JMJD1C: variants seen among roughly 807,000 people sequenced by gnomAD.
JMJD1C encodes jumonji domain-containing protein 1C.
In JMJD1C, 31 loss-of-function variants were observed where a neutral mutation model predicts 245.3. That is an observed-to-expected ratio of 0.13 (90% CI 0.09 to 0.17). The LOEUF is 0.17. Among genes scored for constraint, JMJD1C ranks in the 10% least tolerant of loss-of-function variants. JMJD1C has a pLI of 1.00. For missense variants in JMJD1C, 2,691 were observed against 3,000.2 expected (o/e 0.90, Z 2.41); for synonymous variants, 1,057 against 1,017.4 (o/e 1.04, Z -0.74).
intron 2 of JMJD1C, among the ~76,000 whole-genome samples, chr10:63,285,809 GAAAC>G (rs965764208): frequency 3.3e-5 from 5 of 152,076 alleles, no homozygotes; most frequent in African/African-American, 4.8e-5. Flanking sequence ...CCCTGTCTCA[GAAAC>G]AAACAAACGA....
In JMJD1C at chr10:63,216,530, G is replaced by A. The variant is rs142336038; in HGVS notation, c.678+677C>T. ...TCGAGACCATCCTGGCTAACATGGC[G>A]AAACCCCGTATCTACTAAAAATACA... On this transcript the variant is annotated intron_variant, in intron 5 of 25. Transcript: ENST00000399262. Among the ~76,000 whole-genome samples the A allele has an allele frequency of 5.9e-5, 9 of 151,884 alleles. No homozygotes were observed. The East Asian group carries it at 7.7e-4, about 13-fold the overall frequency.
At chr10:63,275,974 T>C in intron 2 of JMJD1C, among the ~76,000 whole-genome samples, 1 of 152,346 alleles carries the variant, frequency 6.6e-6, no homozygotes, top group Non-Finnish European at 1.5e-5. Flanking sequence ...ATTAGTTTTA[T>C]TATTCATTCT....
intron 1 of JMJD1C, among the ~76,000 whole-genome samples, chr10:63,514,476 A>T (rs1461321386): frequency 6.6e-6 from 1 of 152,242 alleles, no homozygotes; most frequent in Non-Finnish European, 1.5e-5. Flanking sequence ...GTCCTTTTGC[A>T]GCAACATGGA....
chr10:63,390,462 C>T (rs142405552), intron 1 of JMJD1C, among the ~76,000 whole-genome samples: 1 of 152,230 alleles, frequency 6.6e-6, no homozygotes, highest in Non-Finnish European at 1.5e-5. Context: ...AAACAACTAA[C>T]ACCACTTCTC....
At chr10:63,402,664 T>C (rs1002465578) in intron 1 of JMJD1C, among the ~76,000 whole-genome samples, 8 of 152,306 alleles carry the variant, frequency 5.3e-5, no homozygotes, top group African/African-American at 1.9e-4. Flanking sequence ...GAAGAGTCCC[T>C]GTAACTACAA....
At chr10:63,195,328 TG>T (rs1168693155) in intron 13 of JMJD1C, among the ~76,000 whole-genome samples, 11 of 143,092 alleles carry the variant, frequency 7.7e-5, no homozygotes, top group Admixed American at 1.5e-4. Context: ...CACTCCAGCC[TG>T]GGTGATAGAG....
chr10:63,278,500 G>A (rs929273227), intron 2 of JMJD1C, among the ~76,000 whole-genome samples: 3 of 151,318 alleles, frequency 2.0e-5, no homozygotes, highest in Non-Finnish European at 4.4e-5. Flanking sequence ...CTCTGGCCTG[G>A]GCGACAGACG....
Position 63,283,742 on chromosome 10 carries a change from A to G in JMJD1C, c.334-18978T>C, listed in dbSNP as rs140914357. On this transcript the variant is annotated intron_variant, in intron 2 of 25. Coordinates refer to ENST00000399262, the MANE Select transcript of JMJD1C (RefSeq NM_032776.3). ...AATCATTCTTCCTGCTTCCTGTCACATTTAGGTTAAACAATATTTTGTTTT... is the reference window on the plus strand; with the variant it reads ...AATCATTCTTCCTGCTTCCTGTCACGTTTAGGTTAAACAATATTTTGTTTT... Among the ~76,000 whole-genome samples the G allele has an allele frequency of 5.8e-3, 888 of 152,246 alleles. 5 individuals carry two copies. The highest frequency in any genetic ancestry group is 0.016 in the African/African-American group (659 of 41,534).
Position 63,377,660 on chromosome 10 carries a change from G to A in JMJD1C, c.333+2658C>T, listed in dbSNP as rs570251439. The stretch of plus-strand genomic sequence containing the variant: ...TGAGGCAGGAGAATTGCTTGAACCC[G>A]GGAGGCAGAGGTTGCAGTGAGACGA... On this transcript the variant is annotated intron_variant, in intron 2 of 25. Coordinates refer to ENST00000399262, the MANE Select transcript of JMJD1C (RefSeq NM_032776.3). 1.5e-4 allele frequency among the ~76,000 whole-genome samples: 23 copies of A among 152,102 alleles called. No homozygotes were observed. The East Asian group carries it at 2.9e-3, about 19-fold the overall frequency.
At chr10:63,427,736 G>C (rs1950524042) in intron 1 of JMJD1C, 4 of 1,376,182 alleles carry the variant, frequency 2.9e-6, no homozygotes, top group Non-Finnish European at 4.1e-6. Context: ...CAGGAATTTG[G>C]TCTTGCCCAG....
chr10:63,207,779 T>C lies in JMJD1C; in HGVS notation c.3890A>G (p.Lys1297Arg), dbSNP rs1846820486. ...GACAGATGCCATAGCAGCCTGTAACTTTCCGCTGCTTTTCTCCACATGCCA... is the reference window on the plus strand; with the variant it reads ...GACAGATGCCATAGCAGCCTGTAACCTTCCGCTGCTTTTCTCCACATGCCA... ...TEWHVEKSSGKLQAAMASVIV... is the reference protein window; with the variant it reads ...TEWHVEKSSGRLQAAMASVIV... The change falls in exon 10 of 26, where the codon AAG (lysine) becomes AGG (arginine). Residue 1297 changes from lysine (K) to arginine (R), a missense_variant. By Grantham distance (26) the Lys-to-Arg change is conservative (BLOSUM62 2). Coordinates refer to ENST00000399262, the MANE Select transcript of JMJD1C (RefSeq NM_032776.3). 1 of 1,614,214 alleles carries C rather than the reference T, an allele frequency of 6.2e-7. No homozygotes were observed. The highest frequency in any genetic ancestry group is 8.5e-7 in the Non-Finnish European group (1 of 1,180,028).
At chr10:63,315,898 G>C (rs995120428) in intron 2 of JMJD1C, among the ~76,000 whole-genome samples, 4 of 151,688 alleles carry the variant, frequency 2.6e-5, no homozygotes, top group African/African-American at 9.7e-5. Flanking sequence ...GCTGGGTATG[G>C]TGGTTCATGC....
intron 2 of JMJD1C, among the ~76,000 whole-genome samples, chr10:63,349,100 CAAAAAA>C (rs71463516): frequency 2.9e-4 from 10 of 34,872 alleles, no homozygotes; most frequent in East Asian, 1.3e-3. Flanking sequence ...GACTCTGTCT[CAAAAAA>C]AAAAAAAAAA....
chr10:63,337,613 GAAAA>G (rs1564804822), intron 2 of JMJD1C, among the ~76,000 whole-genome samples: 1 of 45,526 alleles, frequency 2.2e-5, no homozygotes, highest in African/African-American at 9.1e-5. Context: ...GAAAAGAAAA[GAAAA>G]GAAAAGAAAA....
In JMJD1C at chr10:63,306,127, T is replaced by C. The variant is rs1460705981; in HGVS notation, c.334-41363A>G. On this transcript the variant is annotated intron_variant, in intron 2 of 25. Coordinates refer to ENST00000399262, the MANE Select transcript of JMJD1C (RefSeq NM_032776.3). ...AATTTTCAGAGTGAGTCTTGCTCTG[T>C]TGCCCAGGCTGGAGTGCACTGGTGT... is the stretch of plus-strand genomic sequence containing the variant. Among the ~76,000 whole-genome samples, 5 of 152,156 alleles carry C rather than the reference T, an allele frequency of 3.3e-5. No homozygotes were observed. The East Asian group carries it at 5.8e-4, about 18-fold the overall frequency.
Position 63,207,055 on chromosome 10 carries a change from A to C in JMJD1C, c.4614T>G (p.Ala1538=). The C allele has an allele frequency of 3.1e-6, 5 of 1,614,144 alleles. No individual in the cohort carries two copies. The highest frequency in any genetic ancestry group is 4.2e-6 in the Non-Finnish European group (5 of 1,180,032). ...GGTAGTTTGGTTGACTTGTCTGGGA[A>C]GCTTGCCCATTTCCTACAGAGTTTG... ...NKANSVGNGQ[A]SQTSQPNYHT... The change falls in exon 10 of 26, where the codon GCT becomes GCG. Residue 1538 remains alanine, a synonymous_variant. Transcript: ENST00000399262.
intron 1 of JMJD1C, among the ~76,000 whole-genome samples, chr10:63,500,646 C>T (rs1014981618): frequency 2.6e-5 from 4 of 151,956 alleles, no homozygotes; most frequent in Non-Finnish European, 5.9e-5. Flanking sequence ...GCAGGAGAAT[C>T]GCTTGGACCT....
At chr10:63,498,981 G>A (rs1429354126) in intron 1 of JMJD1C, among the ~76,000 whole-genome samples, 1 of 152,126 alleles carries the variant, frequency 6.6e-6, no homozygotes, top group African/African-American at 2.4e-5. Flanking sequence ...TACAGTATTT[G>A]ACCTTGTAAT....
chr10:63,337,598 GAA>G (rs200743415), intron 2 of JMJD1C, among the ~76,000 whole-genome samples: 4 of 104,248 alleles, frequency 3.8e-5, no homozygotes, highest in Non-Finnish European at 7.1e-5. Context: ...GAAAAGAAAA[GAA>G]AAGAAAAGAA....
Sources: allele counts gnomAD v4.1 joint callset (sites outside exome capture counted in the v4.1 genomes callset), GRCh38; gene constraint gnomAD v4.1.1; transcripts MANE v1.5; gene names NCBI Gene and HGNC (gene_info 2026-07-23, HGNC 2026-07-21).